CFTR: variants seen among roughly 807,000 people sequenced by gnomAD.
CFTR encodes the protein CF transmembrane conductance regulator.
In CFTR, 181 loss-of-function variants were observed where a neutral mutation model predicts 171.6. The observed-to-expected ratio is 1.05, with a 90% CI of 0.93 to 1.19. The LOEUF (loss-of-function observed/expected upper bound fraction) is 1.19, where lower values mean the gene tolerates loss of function less well. Ranked by LOEUF, CFTR falls within the 50% of genes most tolerant of loss-of-function variation. CFTR has a pLI of 0.00. For missense variants in CFTR, 1,968 were observed against 1,734.7 expected (o/e 1.13, Z -2.39); for synonymous variants, 583 against 608.0 (o/e 0.96, Z 0.60).
At chr7:117,490,274 A>G (rs1034444139) in intron 1 of CFTR, among the ~76,000 whole-genome samples, 3 of 150,654 alleles carry the variant, frequency 2.0e-5, no homozygotes, top group African/African-American at 7.3e-5. Context: ...TTTACTCTGC[A>G]TATTAGTCAA....
chr7:117,532,128 A>G (rs1315933888), intron 4 of CFTR, among the ~76,000 whole-genome samples: 1 of 152,066 alleles, frequency 6.6e-6, no homozygotes, highest in Admixed American at 6.6e-5. Context: ...CTCAGCTACA[A>G]TCTCATCAGT....
chr7:117,498,458 G>A (rs960606184), intron 1 of CFTR, among the ~76,000 whole-genome samples: 1 of 152,118 alleles, frequency 6.6e-6, no homozygotes, highest in African/African-American at 2.4e-5. Flanking sequence ...CCAATACTGC[G>A]ATTTTAAATT....
chr7:117,512,174 T>C (rs1023227160), intron 3 of CFTR, among the ~76,000 whole-genome samples: 2 of 151,874 alleles, frequency 1.3e-5, no homozygotes, highest in African/African-American at 4.8e-5. Flanking sequence ...TGTGAAAGGT[T>C]AAAAAAAAGG....
chr7:117,519,980 T>C (rs1368995586), intron 3 of CFTR, among the ~76,000 whole-genome samples: 1 of 151,994 alleles, frequency 6.6e-6, no homozygotes, highest in Non-Finnish European at 1.5e-5. Flanking sequence ...ACTTTCCTGA[T>C]ACTAAACTAT....
intron 23 of CFTR, among the ~76,000 whole-genome samples, chr7:117,649,879 C>A (rs2116189012): frequency 6.6e-6 from 1 of 152,072 alleles, no homozygotes; most frequent in East Asian, 1.9e-4. Flanking sequence ...AGGAAAGATA[C>A]CCCTGAGGAA....
At chr7:117,565,376 T>C (rs1791584939) in intron 11 of CFTR, among the ~76,000 whole-genome samples, 1 of 152,204 alleles carries the variant, frequency 6.6e-6, no homozygotes, top group South Asian at 2.1e-4. Flanking sequence ...CACTTGACAA[T>C]ACCGCAGTCT....
At chr7:117,640,888 C>A (rs1261463965) in intron 22 of CFTR, among the ~76,000 whole-genome samples, 1 of 152,102 alleles carries the variant, frequency 6.6e-6, no homozygotes, top group African/African-American at 2.4e-5. Context: ...TTAGTCAATT[C>A]AAATAAATAT....
intron 22 of CFTR, among the ~76,000 whole-genome samples, chr7:117,631,755 A>G (rs919716497): frequency 2.6e-5 from 4 of 152,182 alleles, no homozygotes; most frequent in Non-Finnish European, 5.9e-5. Flanking sequence ...TAAACTGGTA[A>G]CCTAGTAAGT....
At chr7:117,543,588 T>G (rs1799092529) in intron 9 of CFTR, among the ~76,000 whole-genome samples, 1 of 152,204 alleles carries the variant, frequency 6.6e-6, no homozygotes, top group African/African-American at 2.4e-5. Flanking sequence ...ATATTTTCAT[T>G]TCACCAATAA....
chr7:117,558,418 A>G (rs1480977122), intron 10 of CFTR, among the ~76,000 whole-genome samples: 1 of 151,988 alleles, frequency 6.6e-6, no homozygotes, highest in African/African-American at 2.4e-5. Context: ...GCCAGACGTG[A>G]TGGCGGGTGC....
intron 21 of CFTR, among the ~76,000 whole-genome samples, chr7:117,619,964 G>A (rs895179889): frequency 5.3e-5 from 8 of 152,004 alleles, no homozygotes; most frequent in African/African-American, 1.9e-4. Context: ...GAAGCCTGAT[G>A]TGTGGAGAAA....
At chr7:117,611,240 A>G (rs1490148473) in intron 19 of CFTR, among the ~76,000 whole-genome samples, 3 of 152,154 alleles carry the variant, frequency 2.0e-5, no homozygotes, top group Admixed American at 6.6e-5. Context: ...TCCTTAATTT[A>G]GATACTTGAA....
intron 3 of CFTR, among the ~76,000 whole-genome samples, chr7:117,517,218 C>A (rs1245191190): frequency 6.6e-6 from 1 of 152,084 alleles, no homozygotes; most frequent in African/African-American, 2.4e-5. Flanking sequence ...GCTCCCCACC[C>A]CCTCACAGGC....
At position 117,548,628 on chromosome 7, in the gene CFTR, GTT is replaced by G. The variant is rs1805177; in HGVS notation, c.1210-7_1210-6del. 0.029 allele frequency: 45,303 copies of G among 1,547,804 alleles called. 354 individuals carry two copies. The highest frequency in any genetic ancestry group is 0.059 in the African/African-American group (4,024 of 67,962). Reference sequence around the variant, plus strand: ...TTGATGTGTGTGTGTGTGTGTGTGTGTTTTTTTAACAGGGATTTGGGGAATTA... The same window carrying G: ...TTGATGTGTGTGTGTGTGTGTGTGTGTTTTTAACAGGGATTTGGGGAATTA... On this transcript the variant is annotated splice_polypyrimidine_tract_variant and intron_variant, in intron 9 of 26. Transcript: ENST00000003084.
chr7:117,651,177 T>A (rs1212140560), intron 23 of CFTR, among the ~76,000 whole-genome samples: 1 of 152,232 alleles, frequency 6.6e-6, no homozygotes, highest in Non-Finnish European at 1.5e-5. Flanking sequence ...TTGGAGGAGA[T>A]AACTGTTCTG....
At chr7:117,613,999 C>CTTTTTTTTTT (rs752774658) in intron 20 of CFTR, among the ~76,000 whole-genome samples, 9 of 72,482 alleles carry the variant, frequency 1.2e-4, no homozygotes, top group South Asian at 5.8e-4. Context: ...GTACAGTAAT[C>CTTTTTTTTTT]TTTTTTTTTT....
intron 11 of CFTR, among the ~76,000 whole-genome samples, chr7:117,586,660 T>A (rs1791938474): frequency 6.6e-6 from 1 of 152,148 alleles, no homozygotes. Flanking sequence ...ATTGGATTAT[T>A]TCTGGATTGT....
At chr7:117,581,363 C>T (rs1378287391) in intron 11 of CFTR, among the ~76,000 whole-genome samples, 1 of 151,990 alleles carries the variant, frequency 6.6e-6, no homozygotes, top group African/African-American at 2.4e-5. Flanking sequence ...ATAAAAGCTA[C>T]GTGATCAGGC....
intron 3 of CFTR, among the ~76,000 whole-genome samples, chr7:117,509,993 C>A (rs957050957): frequency 4.6e-5 from 7 of 152,082 alleles, no homozygotes; most frequent in African/African-American, 1.7e-4. Flanking sequence ...ATTTGTGTTA[C>A]ATTGCTTGAA....
Sources: allele counts gnomAD v4.1 joint callset (sites outside exome capture counted in the v4.1 genomes callset), GRCh38; gene constraint gnomAD v4.1.1; transcripts MANE v1.5; gene names NCBI Gene and HGNC (gene_info 2026-07-23, HGNC 2026-07-21).